COL5A2: variants seen among roughly 807,000 people sequenced by gnomAD.
The protein encoded by COL5A2 is collagen alpha-2(V) chain.
In COL5A2, 23 loss-of-function variants were observed where a neutral mutation model predicts 208.2. The observed-to-expected ratio is 0.11, with a 90% CI of 0.08 to 0.16. COL5A2 has a LOEUF of 0.16. Among genes scored for constraint, COL5A2 ranks in the 10% least tolerant of loss-of-function variants. COL5A2 has a pLI of 1.00. For missense variants in COL5A2, 1,590 were observed against 1,956.4 expected (o/e 0.81, Z 3.53); for synonymous variants, 625 against 628.5 (o/e 0.99, Z 0.08).
At chr2:189,258,113 C>CAA in the COL5A2 span, among the ~76,000 whole-genome samples, 563 of 150,960 alleles carry the variant, frequency 3.7e-3, 5 homozygotes, top group African/African-American at 0.013. Context: ...GATTCTGTCT[C>CAA]AAAAAAAATA....
the COL5A2 span, among the ~76,000 whole-genome samples, chr2:189,245,967 A>G: frequency 6.6e-6 from 1 of 152,232 alleles, no homozygotes; most frequent in Non-Finnish European, 1.5e-5. Flanking sequence ...GAAAGCACTC[A>G]GTTTAATGAT....
chr2:189,089,827 A>C (rs778657258), intron 7 of COL5A2, among the ~76,000 whole-genome samples: 1 of 152,236 alleles, frequency 6.6e-6, no homozygotes, highest in Admixed American at 6.5e-5. Context: ...CCCATACAAG[A>C]CAATAAACTT....
At chr2:189,103,942 C>T (rs1687099993) in intron 3 of COL5A2, among the ~76,000 whole-genome samples, 1 of 151,828 alleles carries the variant, frequency 6.6e-6, no homozygotes, top group African/African-American at 2.4e-5. Flanking sequence ...TATTGTACTT[C>T]TAATATGTGC....
At chr2:189,270,139 T>G in the COL5A2 span, among the ~76,000 whole-genome samples, 1 of 152,170 alleles carries the variant, frequency 6.6e-6, no homozygotes, top group African/African-American at 2.4e-5. Flanking sequence ...TCTTTATTAG[T>G]CTGGCTGGCA....
intron 1 of COL5A2, among the ~76,000 whole-genome samples, chr2:189,111,072 G>C (rs1255543314): frequency 1.3e-5 from 2 of 152,176 alleles, no homozygotes; most frequent in African/African-American, 4.8e-5. Flanking sequence ...TGGCAGAAAT[G>C]CAAAACTTAT....
the COL5A2 span, among the ~76,000 whole-genome samples, chr2:189,312,985 C>T: frequency 6.6e-6 from 1 of 151,820 alleles, no homozygotes; most frequent in Non-Finnish European, 1.5e-5. Context: ...CAGGAGCTGA[C>T]AGACAAAATA....
At chr2:189,046,000 G>T in intron 45 of COL5A2, 93 bp from the exon 46 acceptor site, 2 of 1,037,066 alleles carry the variant, frequency 1.9e-6, no homozygotes, top group Non-Finnish European at 2.9e-6. Flanking sequence ...ATTAATAATG[G>T]GAAAAAATAC....
intron 4 of COL5A2, 102 bp downstream of exon 4, chr2:189,100,005 T>A (rs1266566786): frequency 2.0e-6 from 2 of 1,012,044 alleles, no homozygotes; most frequent in Admixed American, 1.9e-5. Context: ...TTAAAATAAC[T>A]AATTTATTTT....
At chr2:189,425,161 TTC>T in the COL5A2 span, among the ~76,000 whole-genome samples, 2 of 152,206 alleles carry the variant, frequency 1.3e-5, no homozygotes, top group Non-Finnish European at 1.5e-5. Context: ...ATCATCTCAC[TTC>T]TGTTAGAATG....
chr2:189,431,441 A>C, the COL5A2 span, among the ~76,000 whole-genome samples: 3 of 152,226 alleles, frequency 2.0e-5, no homozygotes, highest in African/African-American at 7.2e-5. Flanking sequence ...AAAGCTAAAA[A>C]CCTTGAAAAA....
Position 189,043,193 on chromosome 2 carries a change from G to A in COL5A2, c.3429C>T (p.Gly1143=). Residue 1143 remains glycine (G), a synonymous_variant, in exon 48 of 54, where the codon GGC becomes GGT. Coordinates refer to ENST00000374866, the MANE Select transcript of COL5A2 (RefSeq NM_000393.5). ...HGDRGDRGQK[G]HRGFTGLQGL... ...CCTGAAGACCAGTAAAGCCTCTGTG[G>A]CCCTTCTGACCTCTGTCACCTCGGT... 6.2e-7 allele frequency: 1 copy of A among 1,613,914 alleles called. No homozygotes were observed. The highest frequency in any genetic ancestry group is 8.5e-7 in the Non-Finnish European group (1 of 1,179,884).
At chr2:189,067,563 T>A (rs966621869) in intron 21 of COL5A2, among the ~76,000 whole-genome samples, 1 of 152,174 alleles carries the variant, frequency 6.6e-6, no homozygotes, top group Non-Finnish European at 1.5e-5. Context: ...CTGTAAAATA[T>A]GAAAACATTC....
chr2:189,225,263 T>G (rs1036579226), exon 1 of COL5A2, among the ~76,000 whole-genome samples: 1 of 152,126 alleles, frequency 6.6e-6, no homozygotes, highest in African/African-American at 2.4e-5. Context: ...AAGGCTGCTA[T>G]TGGGTATAGC....
the COL5A2 span, among the ~76,000 whole-genome samples, chr2:189,319,337 G>A: frequency 6.6e-5 from 10 of 152,204 alleles, no homozygotes; most frequent in East Asian, 1.9e-4. Flanking sequence ...TGGATGCAGC[G>A]CACCAAGCGT....
chr2:189,184,283 A>C (rs566872850), upstream of COL5A2, among the ~76,000 whole-genome samples: 10 of 152,204 alleles, frequency 6.6e-5, no homozygotes, highest in South Asian at 2.1e-3. Context: ...AAAAAAAAAA[A>C]ATCACCAGAA....
At chr2:189,116,394 G>A (rs1687391498) in intron 1 of COL5A2, among the ~76,000 whole-genome samples, 1 of 152,146 alleles carries the variant, frequency 6.6e-6, no homozygotes, top group Non-Finnish European at 1.5e-5. Flanking sequence ...GACGAAGAGG[G>A]ACAGCATTCA....
chr2:189,214,710 A>T (rs951645534), intron 1 of COL5A2, among the ~76,000 whole-genome samples: 2 of 152,192 alleles, frequency 1.3e-5, no homozygotes, highest in East Asian at 3.8e-4. Flanking sequence ...GGCAAGACAA[A>T]AGAGTTCATG....
the COL5A2 span, among the ~76,000 whole-genome samples, chr2:189,252,439 G>T: frequency 1.3e-5 from 2 of 152,104 alleles, no homozygotes; most frequent in African/African-American, 4.8e-5. Flanking sequence ...GCCATAAAAA[G>T]GATGAGTTCA....
intron 35 of COL5A2, among the ~76,000 whole-genome samples, chr2:189,054,690 CTTTTTTT>C (rs58380313): frequency 5.8e-4 from 66 of 113,550 alleles, no homozygotes; most frequent in African/African-American, 1.2e-3. Flanking sequence ...GTGTTTTTTC[CTTTTTTT>C]TTTTTTTTTT....
Sources: gnomAD v4.1 joint callset for allele counts (sites outside exome capture counted in the v4.1 genomes callset) on GRCh38, gnomAD v4.1.1 for gene constraint, MANE v1.5 for transcripts, NCBI Gene and HGNC (gene_info 2026-07-23, HGNC 2026-07-21) for gene names.